Variants in MORC2 observed in about 807,000 individuals in gnomAD.
The protein encoded by MORC2 is ATPase MORC2.
MORC2 carries 30 observed loss-of-function variants against 136.0 expected under a neutral mutation model. That is an observed-to-expected ratio of 0.22 (90% CI 0.17 to 0.30). The LOEUF is 0.30. MORC2 is among the 10% of genes least tolerant of loss of function. MORC2 has a pLI of 1.00. For synonymous variants in MORC2, 439 were observed against 487.0 expected (o/e 0.90, Z 1.30); for missense variants, 922 against 1,333.1 (o/e 0.69, Z 4.80).
chr22:30,955,177 CA>C (rs1176772126), intron 3 of MORC2, among the ~76,000 whole-genome samples: 1 of 152,024 alleles, frequency 6.6e-6, no homozygotes, highest in Non-Finnish European at 1.5e-5. Context: ...AGGCTGGTCT[CA>C]AACACCCGAC....
intron 24 of MORC2, among the ~76,000 whole-genome samples, chr22:30,930,233 C>A (rs1379942722): frequency 6.6e-6 from 1 of 152,216 alleles, no homozygotes; most frequent in East Asian, 1.9e-4. Context: ...TCCTGCTGCA[C>A]CCAGGCTCTA....
rs5997814 is a variant in MORC2 at position 30,936,507 on chromosome 22, G to A, written c.1737+4C>T. On this transcript the variant is annotated splice_donor_region_variant and intron_variant, in intron 17 of 25. Transcript: ENST00000397641. Reference sequence around the variant, plus strand: ...GCTTTGCCCACTGACCATGACCCACGTACCTGAAGGGCCTCCAGCTTCTCC... The same window carrying A: ...GCTTTGCCCACTGACCATGACCCACATACCTGAAGGGCCTCCAGCTTCTCC... The A allele has an allele frequency of 7.2e-4, 1,162 of 1,613,984 alleles. 5 individuals are homozygous for A. The African/African-American group carries it at 0.013, about 18-fold the overall frequency.
chr22:30,946,549 A>G, intron 5 of MORC2, 100 bp from the exon 6 acceptor site: 2 of 1,058,718 alleles, frequency 1.9e-6, no homozygotes, highest in East Asian at 2.5e-5. Context: ...GTGCCACTGG[A>G]GGGCTCTCCT....
rs1249133623 is a variant in MORC2, at chr22:30,934,696, C to G, written c.2193+85G>C. On this transcript the variant is annotated intron_variant, in intron 19 of 25. Coordinates refer to ENST00000397641, the MANE Select transcript of MORC2 (RefSeq NM_001303256.3). This position sits in a 1 kb window ranked among gnomAD's most constrained non-coding sequence, Gnocchi z 4.4. ...TTAGATTCAGTATCTTCCGAAGGCT[C>G]CCCCAGTACAGCTGTGACACTGCAC... The G allele has an allele frequency of 6.6e-7, 1 of 1,524,312 alleles. No homozygotes were observed. Among genetic ancestry groups the G allele is most frequent in the African/African-American group, 1.4e-5 (1 of 72,826 alleles). 94.4% of individuals were successfully genotyped at this position (1,524,312 alleles called of 1,614,324 possible). A position where few individuals can be genotyped will look rare whatever the true frequency, so the allele number is the denominator to read the frequency against.
chr22:30,928,087 G>A lies in MORC2; in HGVS notation c.2962C>T (p.Arg988Cys), dbSNP rs748910060. 4.3e-6 allele frequency: 7 copies of A among 1,614,050 alleles called. No individual in the cohort carries two copies. Among genetic ancestry groups the A allele is most frequent in the East Asian group, 2.2e-5 (1 of 44,858 alleles). Reference sequence around the variant, plus strand: ...TTCTGCAGCTTCTCCTCCGTCTCGCGGAGCTTCCTCTCGGAGGTGCGCAGG... The same window carrying A: ...TTCTGCAGCTTCTCCTCCGTCTCGCAGAGCTTCCTCTCGGAGGTGCGCAGG... ...ESLRTSERKLRETEEKLQKLR... is the reference protein window; with the variant it reads ...ESLRTSERKLCETEEKLQKLR... Residue 988 changes from arginine to cysteine, a missense_variant, in exon 25 of 26, where the codon CGC becomes TGC. Physicochemically the swap from Arg to Cys is radical, Grantham distance 180 (BLOSUM62 -3). Transcript: ENST00000397641.
At chr22:30,965,278 A>G (rs1473038973) in intron 1 of MORC2, among the ~76,000 whole-genome samples, 1 of 152,258 alleles carries the variant, frequency 6.6e-6, no homozygotes, top group Non-Finnish European at 1.5e-5. Context: ...TAAGATTTTA[A>G]CAGAACAAAG....
intron 6 of MORC2, among the ~76,000 whole-genome samples, chr22:30,943,957 G>A (rs1025417084): frequency 1.3e-5 from 2 of 152,064 alleles, no homozygotes; most frequent in Non-Finnish European, 2.9e-5. Context: ...TAGTAGAGAC[G>A]GGGTTTCACC....
chr22:30,957,263 G>C (rs1462073214), intron 2 of MORC2, among the ~76,000 whole-genome samples: 1 of 152,122 alleles, frequency 6.6e-6, no homozygotes, highest in South Asian at 2.1e-4. Flanking sequence ...CACTTCTCGT[G>C]GTATACACAC....
chr22:30,946,704 G>T (rs970054254), intron 5 of MORC2, among the ~76,000 whole-genome samples: 2 of 151,900 alleles, frequency 1.3e-5, no homozygotes, highest in African/African-American at 4.8e-5. Flanking sequence ...CACCATACAG[G>T]GTTCTCTCAC....
chr22:30,933,611 T>A (rs930132701), intron 20 of MORC2, 91 bp from the exon 21 acceptor site: 2 of 1,244,634 alleles, frequency 1.6e-6, no homozygotes, highest in African/African-American at 2.9e-5. Context: ...TCAGCCATCA[T>A]CTTCACGACT....
At position 30,932,744 on chromosome 22, in the gene MORC2, G is replaced by A. The variant is rs373048769; in HGVS notation, c.2548C>T (p.Arg850Trp). Residue 850 changes from arginine (R) to tryptophan (W), a missense_variant, in exon 23 of 26, where the codon CGG becomes TGG. This residue lies in a region of MORC2 where 263 missense variants were observed against 388.3 expected (regional missense o/e 0.68). Coordinates refer to ENST00000397641, the MANE Select transcript of MORC2 (RefSeq NM_001303256.3). The surrounding 1 kb of genome is among the most constrained non-coding windows in gnomAD (Gnocchi z 4.4). The part of the protein sequence containing the change: ...RWVEKGSEDV[R>W]LMKPPSPEHQ... Reference sequence around the variant, plus strand: ...TCCGGAGAAGGGGGTTTCATCAGCCGCACATCCTCACTGCCTTTCTCCACC... The same window carrying A: ...TCCGGAGAAGGGGGTTTCATCAGCCACACATCCTCACTGCCTTTCTCCACC... 4 of 1,614,142 alleles carry A rather than the reference G, an allele frequency of 2.5e-6. No homozygotes were observed. Among genetic ancestry groups the A allele is most frequent in the Admixed American group, 1.7e-5 (1 of 60,018 alleles).
chr22:30,934,082 T>C lies in MORC2; in HGVS notation c.2303A>G (p.Glu768Gly), dbSNP rs1381697088. ...CACCTCATTCGAGTCCTTCTTTTCC[T>C]CCTTCACAACAAATCTGCCCCGCTT... ...RCKRGRFVVK[E>G]EKKDSNELSD... The change falls in exon 20 of 26, where the codon GAG becomes GGG. Residue 768 changes from glutamate to glycine, a missense_variant. This residue lies in a region of MORC2 where 263 missense variants were observed against 388.3 expected (regional missense o/e 0.68). Coordinates refer to ENST00000397641, the MANE Select transcript of MORC2 (RefSeq NM_001303256.3). The surrounding 1 kb of genome is among the most constrained non-coding windows in gnomAD (Gnocchi z 4.4). The C allele has an allele frequency of 1.2e-6, 2 of 1,613,990 alleles. No individual in the cohort carries two copies. Among genetic ancestry groups the C allele is most frequent in the Non-Finnish European group, 1.7e-6 (2 of 1,180,024 alleles).
Position 30,940,845 on chromosome 22 carries a change from G to A in MORC2, c.825-8C>T. ...GACGTGTACTTGTACATCCTGATCA[G>A]TAGAAAAAGCAAGCTGATGGCCCAC... On this transcript the variant is annotated splice_polypyrimidine_tract_variant and splice_region_variant and intron_variant, in intron 9 of 25. Transcript: ENST00000397641. 1.2e-6 allele frequency: 2 copies of A among 1,613,732 alleles called. No homozygotes were observed. The highest frequency in any genetic ancestry group is 1.7e-6 in the Non-Finnish European group (2 of 1,179,690).
chr22:30,942,398 C>G, intron 6 of MORC2, 127 bp from the exon 7 acceptor site: 2 of 1,044,906 alleles, frequency 1.9e-6, no homozygotes, highest in Non-Finnish European at 2.7e-6. Flanking sequence ...CCAAGCTCCA[C>G]AGCCTGGCAC....
chr22:30,934,303 T>C lies in MORC2; in HGVS notation c.2194-112A>G, dbSNP rs2040621225. 2 of 1,440,124 alleles carry C rather than the reference T, an allele frequency of 1.4e-6. No individual in the cohort carries two copies. Among genetic ancestry groups the C allele is most frequent in the Non-Finnish European group, 1.9e-6 (2 of 1,066,340 alleles). 89.2% of individuals were successfully genotyped at this position (1,440,124 alleles called of 1,614,324 possible). A position where few individuals can be genotyped will look rare whatever the true frequency, so the allele number is the denominator to read the frequency against. ...CCAAGAGGAGCTGTACTCCCTGCAA[T>C]CCCTGCCTGACATTACTTGGAATGT... On this transcript the variant is annotated intron_variant, in intron 19 of 25. Coordinates refer to ENST00000397641, the MANE Select transcript of MORC2 (RefSeq NM_001303256.3). This position sits in a 1 kb window ranked among gnomAD's most constrained non-coding sequence, Gnocchi z 4.4.
chr22:30,957,129 T>C (rs1425581305), intron 2 of MORC2, among the ~76,000 whole-genome samples: 1 of 152,238 alleles, frequency 6.6e-6, no homozygotes, highest in Non-Finnish European at 1.5e-5. Context: ...GATTCAAATA[T>C]GTTTTTCTCA....
At chr22:30,963,459 C>T (rs1234483220) in intron 1 of MORC2, 1 of 260,648 alleles carries the variant, frequency 3.8e-6, no homozygotes, top group Non-Finnish European at 5.9e-6. Context: ...GATCTCAACT[C>T]ATCGCAACCT....
chr22:30,933,998 T>C, intron 20 of MORC2, 62 bp downstream of exon 20: 1 of 1,590,172 alleles, frequency 6.3e-7, no homozygotes, highest in Non-Finnish European at 8.6e-7. Context: ...GGGTGCAGAC[T>C]GCTGGTGGGG....
At chr22:30,950,234 T>C in intron 4 of MORC2, 143 bp downstream of exon 4, 2 of 811,462 alleles carry the variant, frequency 2.5e-6, no homozygotes, top group Admixed American at 4.8e-5. Context: ...CCTGAGATGT[T>C]GCAACAGACT....
Sources: allele counts gnomAD v4.1 joint callset (sites outside exome capture counted in the v4.1 genomes callset), GRCh38; gene constraint gnomAD v4.1.1; regional missense constraint gnomAD v4.1.1; non-coding constraint Gnocchi (gnomAD v3.1); transcripts MANE v1.5; gene names NCBI Gene and HGNC (gene_info 2026-07-23, HGNC 2026-07-21).